Variants in SNX29 observed in about 807,000 individuals in gnomAD.
The protein encoded by SNX29 is sorting nexin 29, also known as sorting nexin-29.
Under a neutral mutation model 102.1 loss-of-function variants are expected in SNX29, and 78 were observed. The ratio of observed to expected loss-of-function variants is 0.76; its 90% confidence interval spans 0.64 to 0.92. SNX29 has a LOEUF of 0.92. Among genes scored for constraint, SNX29 ranks in the 40% least tolerant of loss-of-function variants. The pLI, the probability that SNX29 is intolerant of heterozygous loss-of-function variation, is 0.00. For synonymous variants in SNX29, 580 were observed against 414.5 expected, an observed-to-expected ratio of 1.40 and a Z score of -4.85; for missense variants, 1,280 against 1,061.7, an observed-to-expected ratio of 1.21 and a Z score of -2.86.
At chr16:12,295,765 G>T (rs950223181) in intron 15 of SNX29, among the ~76,000 whole-genome samples, 1 of 151,830 alleles carries the variant, frequency 6.6e-6, no homozygotes, top group Non-Finnish European at 1.5e-5. Context: ...TATTGAAATT[G>T]GGTTCTTTTT....
intron 13 of SNX29, among the ~76,000 whole-genome samples, chr16:12,198,700 C>G (rs2076839836): frequency 6.6e-6 from 1 of 152,222 alleles, no homozygotes; most frequent in Admixed American, 6.5e-5. Flanking sequence ...AACCTGGGTT[C>G]AGATCTTACC....
chr16:11,993,637 A>G (rs1250895852), intron 1 of SNX29, among the ~76,000 whole-genome samples: 1 of 152,206 alleles, frequency 6.6e-6, no homozygotes, highest in Non-Finnish European at 1.5e-5. Flanking sequence ...TAACTTGCTC[A>G]TGATCACATG....
chr16:12,515,249 G>A (rs898055179), intron 19 of SNX29, among the ~76,000 whole-genome samples: 36 of 152,080 alleles, frequency 2.4e-4, no homozygotes, highest in African/African-American at 8.2e-4. Context: ...TGTAATGATC[G>A]CTTTGCATGT....
At chr16:12,296,052 A>C (rs2079969907) in intron 15 of SNX29, among the ~76,000 whole-genome samples, 1 of 152,278 alleles carries the variant, frequency 6.6e-6, no homozygotes, top group African/African-American at 2.4e-5. Context: ...AACTAGATTT[A>C]AATGCTAACA....
rs543767262 is a variant in SNX29, at chr16:12,439,572, G to C, written c.2037+36043G>C. Among the ~76,000 whole-genome samples the C allele has an allele frequency of 1.3e-4, 20 of 152,314 alleles. 1 individual carries two copies. In the South Asian group the frequency reaches 4.1e-3, roughly 32 times the overall value. ...GCGAAAGGGGTTTCCCCTCATAAAAGCATCAGATCTCGTGAGACTCATTCA... is the reference window on the plus strand; with the variant it reads ...GCGAAAGGGGTTTCCCCTCATAAAACCATCAGATCTCGTGAGACTCATTCA... On this transcript the variant is annotated intron_variant, in intron 18 of 20. Coordinates refer to ENST00000566228, the MANE Select transcript of SNX29 (RefSeq NM_032167.5).
intron 13 of SNX29, among the ~76,000 whole-genome samples, chr16:12,142,638 C>T (rs1029126711): frequency 6.6e-6 from 1 of 152,032 alleles, no homozygotes; most frequent in Non-Finnish European, 1.5e-5. Flanking sequence ...GATCTCAGAT[C>T]ACTGCAACCT....
intron 13 of SNX29, among the ~76,000 whole-genome samples, chr16:12,149,603 C>T (rs2055213323): frequency 6.6e-6 from 1 of 152,156 alleles, no homozygotes; most frequent in Admixed American, 6.5e-5. Context: ...CTGCAGTAAG[C>T]ACTTGCTAGC....
chr16:12,212,899 C>T (rs1054401114), intron 14 of SNX29, among the ~76,000 whole-genome samples: 1 of 152,116 alleles, frequency 6.6e-6, no homozygotes, highest in Non-Finnish European at 1.5e-5. Context: ...GAATCACCTG[C>T]GGTCAGGAAT....
chr16:12,011,394 G>C (rs2056650155), intron 3 of SNX29, among the ~76,000 whole-genome samples: 1 of 151,592 alleles, frequency 6.6e-6, no homozygotes, highest in Admixed American at 6.6e-5. Context: ...TTGTGCCTCA[G>C]CCTCCGAGTA....
intron 15 of SNX29, among the ~76,000 whole-genome samples, chr16:12,346,887 A>G (rs535598699): frequency 5.7e-4 from 87 of 152,142 alleles, no homozygotes; most frequent in African/African-American, 2.1e-3. Flanking sequence ...TTGCCTGTGT[A>G]TATTCTGAAA....
chr16:12,240,109 G>T (rs894708567), intron 14 of SNX29, among the ~76,000 whole-genome samples: 1 of 152,202 alleles, frequency 6.6e-6, no homozygotes, highest in South Asian at 2.1e-4. Context: ...CTTAACGGCC[G>T]CATGATGTCT....
In SNX29 at chr16:12,278,053, C is replaced by G. The variant is rs1466762352; in HGVS notation, c.1782+17C>G. 6.3e-7 allele frequency: 1 copy of G among 1,577,364 alleles called. No individual in the cohort carries two copies. Among genetic ancestry groups the G allele is most frequent in the African/African-American group, 1.4e-5 (1 of 74,036 alleles). ...CTCATCGAGGTAAGGCCGGTGGAGTCTGTGTGTCTTTGTTTCTGATGTTGG... is the reference window on the plus strand; with the variant it reads ...CTCATCGAGGTAAGGCCGGTGGAGTGTGTGTGTCTTTGTTTCTGATGTTGG... On this transcript the variant is annotated intron_variant, in intron 15 of 20. Transcript: ENST00000566228.
chr16:12,544,114 G>A (rs1398367150), intron 20 of SNX29, among the ~76,000 whole-genome samples: 1 of 152,172 alleles, frequency 6.6e-6, no homozygotes, highest in African/African-American at 2.4e-5. Flanking sequence ...GGCTGTTAAG[G>A]AAAACAAGTC....
chr16:12,320,999 G>A (rs1596897009), intron 15 of SNX29, among the ~76,000 whole-genome samples: 3 of 152,156 alleles, frequency 2.0e-5, no homozygotes, highest in South Asian at 2.1e-4. Context: ...GGACTGAGGC[G>A]ATAAGGCCTG....
At chr16:12,402,017 CTGCCT>C (rs2083966433) in intron 17 of SNX29, among the ~76,000 whole-genome samples, 1 of 152,242 alleles carries the variant, frequency 6.6e-6, no homozygotes, top group Non-Finnish European at 1.5e-5. Flanking sequence ...ACTTATATTT[CTGCCT>C]TGTAGCCTGA....
intron 19 of SNX29, among the ~76,000 whole-genome samples, chr16:12,516,358 T>C (rs2089864158): frequency 6.6e-6 from 1 of 151,936 alleles, no homozygotes; most frequent in African/African-American, 2.4e-5. Flanking sequence ...TGTGCACCTG[T>C]AGTCCCAGCT....
At chr16:12,372,062 T>C (rs1268056147) in intron 16 of SNX29, among the ~76,000 whole-genome samples, 4 of 152,276 alleles carry the variant, frequency 2.6e-5, no homozygotes, top group Non-Finnish European at 4.4e-5. Context: ...TGTTCCCTCC[T>C]AGCGATCCTG....
chr16:12,367,926 G>A (rs1175062533), intron 16 of SNX29, among the ~76,000 whole-genome samples: 2 of 152,224 alleles, frequency 1.3e-5, no homozygotes, highest in Non-Finnish European at 2.9e-5. Flanking sequence ...TATTTGGAAA[G>A]ATGCTTGTGG....
chr16:12,563,172 CAG>C (rs1166366528), intron 20 of SNX29, among the ~76,000 whole-genome samples: 2 of 147,154 alleles, frequency 1.4e-5, no homozygotes, highest in African/African-American at 5.1e-5. Flanking sequence ...ACTCTGGGCT[CAG>C]GGATGTCACT....
Sources: gnomAD v4.1 joint callset for allele counts (sites outside exome capture counted in the v4.1 genomes callset) on GRCh38, gnomAD v4.1.1 for gene constraint, MANE v1.5 for transcripts, NCBI Gene and HGNC (gene_info 2026-07-23, HGNC 2026-07-21) for gene names.